Variants in DIP2B observed in about 807,000 individuals in gnomAD.
The protein encoded by DIP2B is disco-interacting protein 2 homolog B.
Under a neutral mutation model 198.0 loss-of-function variants are expected in DIP2B, and 76 were observed. That is an observed-to-expected ratio of 0.38 (90% CI 0.32 to 0.46). The LOEUF (loss-of-function observed/expected upper bound fraction) is 0.46, where lower values mean the gene tolerates loss of function less well. DIP2B is among the 20% of genes least tolerant of loss of function. The pLI is 0.99. For synonymous variants in DIP2B, 701 were observed against 739.1 expected (o/e 0.95, Z 0.84); for missense variants, 1,559 against 1,978.4 (o/e 0.79, Z 4.02).
At chr12:50,674,177 A>G (rs1231112647) in intron 5 of DIP2B, among the ~76,000 whole-genome samples, 2 of 152,206 alleles carry the variant, frequency 1.3e-5, no homozygotes, top group Non-Finnish European at 2.9e-5. Flanking sequence ...CTGGATTTCT[A>G]CCAGCCTTTC....
chr12:50,671,707 C>T (rs909208953), intron 5 of DIP2B, among the ~76,000 whole-genome samples: 3 of 152,146 alleles, frequency 2.0e-5, no homozygotes, highest in Non-Finnish European at 4.4e-5. Flanking sequence ...GAAGAATATT[C>T]GATCTATTAA....
intron 1 of DIP2B, among the ~76,000 whole-genome samples, chr12:50,525,813 A>C (rs1283205725): frequency 2.0e-5 from 3 of 151,942 alleles, no homozygotes; most frequent in African/African-American, 7.3e-5. Context: ...ATGCCTGGCC[A>C]CCTCTATGTC....
intron 1 of DIP2B, among the ~76,000 whole-genome samples, chr12:50,618,019 G>A (rs1398346024): frequency 6.6e-6 from 1 of 152,164 alleles, no homozygotes; most frequent in Non-Finnish European, 1.5e-5. Flanking sequence ...ACAAAGAACA[G>A]CAAGAAAAAG....
Position 50,683,219 on chromosome 12 carries a change from G to A in DIP2B, c.1288G>A (p.Val430Met). Residue 430 changes from valine (V) to methionine (M), a missense_variant, in exon 10 of 38, where the codon GTG (valine) becomes ATG (methionine). By Grantham distance (21) the Val-to-Met change is conservative (BLOSUM62 1). Coordinates refer to ENST00000301180, the MANE Select transcript of DIP2B (RefSeq NM_173602.3). ...ATGCCTCCTGGCAGAAGTGATTCCA[G>A]TGCCTATAGAGGTACCTCTTACCAG... ...YGCLLAEVIP[V>M]PIEVPLTRKD... 6.2e-7 allele frequency: 1 copy of A among 1,612,586 alleles called. No homozygotes were observed. The highest frequency in any genetic ancestry group is 8.5e-7 in the Non-Finnish European group (1 of 1,179,550).
intron 13 of DIP2B, among the ~76,000 whole-genome samples, chr12:50,692,721 C>T (rs1218015937): frequency 2.0e-5 from 3 of 152,092 alleles, no homozygotes; most frequent in Non-Finnish European, 4.4e-5. Flanking sequence ...CCTGTAATCC[C>T]AGCTATTTGG....
At chr12:50,534,786 C>G (rs952530542) in intron 1 of DIP2B, among the ~76,000 whole-genome samples, 1 of 152,156 alleles carries the variant, frequency 6.6e-6, no homozygotes, top group Non-Finnish European at 1.5e-5. Flanking sequence ...AGCTTTGTGA[C>G]CTTGGGCAAG....
intron 9 of DIP2B, among the ~76,000 whole-genome samples, chr12:50,682,658 A>G (rs1156244550): frequency 1.4e-5 from 2 of 146,020 alleles, no homozygotes; most frequent in South Asian, 4.4e-4. Context: ...AAAAAAGAGT[A>G]GGAAAACTTA....
chr12:50,741,338 C>T, intron 36 of DIP2B, 78 bp from the exon 37 acceptor site: 1 of 1,534,492 alleles, frequency 6.5e-7, no homozygotes. Flanking sequence ...GCAGTCTGAC[C>T]CCTGTGCTGT....
Position 50,664,976 on chromosome 12 carries a change from G to GT in DIP2B, c.427+4658dup, listed in dbSNP as rs541619803. 2.7e-5 allele frequency among the ~76,000 whole-genome samples: 4 copies of GT among 150,822 alleles called. No homozygotes were observed. In the Admixed American group the frequency reaches 2.7e-4, roughly 10 times the overall value. On this transcript the variant is annotated intron_variant, in intron 4 of 37. Transcript: ENST00000301180. ...CAGTCCTCCCACCTCAGCCTCTCTA[G>GT]TAGCTGGAACTGCAGGTGCATGCTG... is the stretch of plus-strand genomic sequence containing the variant.
At chr12:50,549,031 G>A (rs1593599727) in intron 1 of DIP2B, among the ~76,000 whole-genome samples, 1 of 152,118 alleles carries the variant, frequency 6.6e-6, no homozygotes, top group East Asian at 1.9e-4. Flanking sequence ...TATGTAATTA[G>A]CCACCTATGT....
intron 5 of DIP2B, among the ~76,000 whole-genome samples, chr12:50,674,038 G>A (rs555656953): frequency 5.6e-4 from 85 of 152,114 alleles, no homozygotes; most frequent in African/African-American, 1.9e-3. Context: ...TTGGTAGAAG[G>A]GGAAACATTC....
chr12:50,536,309 G>A (rs1165704803), intron 1 of DIP2B, among the ~76,000 whole-genome samples: 3 of 53,728 alleles, frequency 5.6e-5, no homozygotes. Flanking sequence ...ACATACATAC[G>A]CCAGGCTGCA....
Position 50,723,204 on chromosome 12 carries a change from A to T in DIP2B, c.3169A>T (p.Ile1057Phe). ...TGACAGGGTCCTTTGTCTTGCAGGCATTGAGTTAATCGCCGCCTTCTATGG... is the reference window on the plus strand; with the variant it reads ...TGACAGGGTCCTTTGTCTTGCAGGCTTTGAGTTAATCGCCGCCTTCTATGG... ...DNVVLLYPPG[I>F]ELIAAFYGCL... is the part of the protein sequence containing the mutation. Residue 1057 changes from isoleucine to phenylalanine, a missense_variant and splice_region_variant, in exon 27 of 38, where the codon ATT (isoleucine) becomes TTT (phenylalanine). Ile to Phe is a conservative substitution (Grantham distance 21). Transcript: ENST00000301180. 1 of 1,614,088 alleles carries T rather than the reference A, an allele frequency of 6.2e-7. No homozygotes were observed. Among genetic ancestry groups the T allele is most frequent in the Non-Finnish European group, 8.5e-7 (1 of 1,180,024 alleles).
In DIP2B at chr12:50,598,584, G is replaced by A. The variant is rs571366672; in HGVS notation, c.101-27392G>A. ...GTCATCTCTCTGGTCATCTATAAATGGATGCTTTTACAAAGCAGCCTGCTC... is the reference window on the plus strand; with the variant it reads ...GTCATCTCTCTGGTCATCTATAAATAGATGCTTTTACAAAGCAGCCTGCTC... On this transcript the variant is annotated intron_variant, in intron 1 of 37. Transcript: ENST00000301180. Among the ~76,000 whole-genome samples, 3 of 151,848 alleles carry A rather than the reference G, an allele frequency of 2.0e-5. No individual in the cohort carries two copies. The South Asian group carries it at 6.2e-4, about 32-fold the overall frequency.
At chr12:50,604,415 T>C (rs1421402627) in intron 1 of DIP2B, among the ~76,000 whole-genome samples, 5 of 152,230 alleles carry the variant, frequency 3.3e-5, no homozygotes. Flanking sequence ...GACTTTTTTG[T>C]GGCTGACCTT....
At chr12:50,540,366 C>G (rs1958312191) in intron 1 of DIP2B, among the ~76,000 whole-genome samples, 1 of 151,526 alleles carries the variant, frequency 6.6e-6, no homozygotes, top group Admixed American at 6.6e-5. Flanking sequence ...GCCTTGGCCT[C>G]CCAAAGTGCT....
At chr12:50,629,511 T>C (rs1938000911) in intron 2 of DIP2B, among the ~76,000 whole-genome samples, 1 of 152,154 alleles carries the variant, frequency 6.6e-6, no homozygotes, top group Admixed American at 6.5e-5. Flanking sequence ...ATGCTGTATC[T>C]CTCTAGATTA....
At chr12:50,655,128 C>A in intron 3 of DIP2B, 1 of 389,398 alleles carries the variant, frequency 2.6e-6, no homozygotes, top group South Asian at 1.9e-5. Flanking sequence ...CATCTACATG[C>A]CCAGACATAG....
rs369679942 is a variant in DIP2B at position 50,682,242 on chromosome 12, A to AGTATTGTTTACACCT, written c.1207-895_1207-881dup. On this transcript the variant is annotated intron_variant, in intron 9 of 37. Coordinates refer to ENST00000301180, the MANE Select transcript of DIP2B (RefSeq NM_173602.3). ...ACTGTATATCCATACGGTTTCCACC[A>AGTATTGTTTACACCT]GTATTGTTTACACCTATTACCAGAT... 4.6e-3 allele frequency among the ~76,000 whole-genome samples: 697 copies of AGTATTGTTTACACCT among 152,340 alleles called. 8 individuals carry two copies. The highest frequency in any genetic ancestry group is 0.016 in the African/African-American group (658 of 41,574).
Sources: gnomAD v4.1 joint callset for allele counts (sites outside exome capture counted in the v4.1 genomes callset) on GRCh38, gnomAD v4.1.1 for gene constraint, MANE v1.5 for transcripts, NCBI Gene and HGNC (gene_info 2026-07-23, HGNC 2026-07-21) for gene names.